NCALD: variants seen among roughly 807,000 people sequenced by gnomAD.
NCALD encodes the protein neurocalcin-delta.
A neutral mutation model predicts 18.6 loss-of-function variants in NCALD; 10 were observed. That is an observed-to-expected ratio of 0.54 (90% confidence interval 0.33 to 0.91). The LOEUF is 0.91. Ranked by LOEUF, NCALD falls within the 40% of genes least tolerant of loss-of-function variation. The probability of loss-of-function intolerance (pLI) is 0.03; values close to 1 mark genes in which losing one functional copy is unlikely to be tolerated. For missense variants in NCALD, 184 were observed against 247.6 expected, an observed-to-expected ratio of 0.74 and a Z score of 1.72; for synonymous variants, 88 against 87.4, an observed-to-expected ratio of 1.01 and a Z score of -0.04.
chr8:101,777,421 G>A (rs749198511), intron 1 of NCALD, among the ~76,000 whole-genome samples: 14 of 152,180 alleles, frequency 9.2e-5, no homozygotes, highest in Admixed American at 5.2e-4. Context: ...TTAGGAATGG[G>A]ACTCAGTGGA....
At chr8:101,833,610 GTTTTT>G (rs555031298) in intron 4 of NCALD, among the ~76,000 whole-genome samples, 9 of 88,466 alleles carry the variant, frequency 1.0e-4, no homozygotes, top group South Asian at 4.4e-4. Context: ...TTTGTTTCTT[GTTTTT>G]TTTTTTTTTT....
intron 3 of NCALD, among the ~76,000 whole-genome samples, chr8:101,903,568 T>C (rs1817511226): frequency 6.6e-6 from 1 of 152,078 alleles, no homozygotes; most frequent in Non-Finnish European, 1.5e-5. Flanking sequence ...TGTAGAGAAG[T>C]TGGAAATGTT....
chr8:102,053,317 A>G (rs1371195988), intron 1 of NCALD, among the ~76,000 whole-genome samples: 1 of 152,228 alleles, frequency 6.6e-6, no homozygotes, highest in African/African-American at 2.4e-5. Context: ...TTAAATATGT[A>G]TTTGGTATTT....
intron 2 of NCALD, among the ~76,000 whole-genome samples, chr8:101,705,728 C>G (rs1157174915): frequency 6.6e-6 from 1 of 151,920 alleles, no homozygotes; most frequent in Non-Finnish European, 1.5e-5. Flanking sequence ...GTCTGGCCAC[C>G]CCAAAGCCAC....
chr8:101,887,368 C>G (rs534746743), intron 3 of NCALD: 1 of 152,144 alleles, frequency 6.6e-6, no homozygotes, highest in Admixed American at 6.5e-5. Flanking sequence ...AGAACACTGA[C>G]GTGTATCAGC....
intron 1 of NCALD, among the ~76,000 whole-genome samples, chr8:102,061,851 G>A (rs2073873947): frequency 6.6e-6 from 1 of 152,174 alleles, no homozygotes; most frequent in Non-Finnish European, 1.5e-5. Context: ...ATGGAACCCA[G>A]TCAAAACTTT....
At chr8:101,934,322 G>C (rs374494179) in intron 2 of NCALD, among the ~76,000 whole-genome samples, 2 of 152,090 alleles carry the variant, frequency 1.3e-5, no homozygotes, top group Non-Finnish European at 2.9e-5. Flanking sequence ...AATGGGTTTT[G>C]AAAAATGAGT....
In NCALD at chr8:101,983,603, T is replaced by C. The variant is rs142233576; in HGVS notation, c.-157+36634A>G. On this transcript the variant is annotated intron_variant, in intron 2 of 6. Transcript: ENST00000311028. Reference sequence around the variant, plus strand: ...AACCGAAACTGTAGGGTTGTGTGTATGTGTTGTGATGGATACTTTCCGCTG... The same window carrying C: ...AACCGAAACTGTAGGGTTGTGTGTACGTGTTGTGATGGATACTTTCCGCTG... Among the ~76,000 whole-genome samples the C allele has an allele frequency of 6.1e-3, 934 of 152,298 alleles. 6 individuals are homozygous for C. Among genetic ancestry groups the C allele is most frequent in the African/African-American group, 0.021 (883 of 41,554 alleles).
intron 3 of NCALD, among the ~76,000 whole-genome samples, chr8:101,894,647 T>A: frequency 1.4e-5 from 2 of 146,780 alleles, no homozygotes; most frequent in African/African-American, 5.3e-5. Flanking sequence ...GAGAGAAGAA[T>A]CAAATAGACA....
chr8:101,759,972 C>A (rs1187891482), intron 1 of NCALD, among the ~76,000 whole-genome samples: 1 of 152,092 alleles, frequency 6.6e-6, no homozygotes, highest in African/African-American at 2.4e-5. Context: ...TTAGACACTG[C>A]GGTTCCCAAG....
At position 101,966,766 on chromosome 8, in the gene NCALD, TA is replaced by T. The variant is rs1820048846; in HGVS notation, c.-156-50909del. Among the ~76,000 whole-genome samples the T allele has an allele frequency of 7.2e-5, 11 of 152,266 alleles. No individual in the cohort carries two copies. In the South Asian group the frequency reaches 2.3e-3, roughly 32 times the overall value. The stretch of plus-strand genomic sequence containing the variant: ...TATTCAGGAGTCTACCTTAAAAGAA[TA>T]ATCAGAGAAGATCACAGAGATTCAG... On this transcript the variant is annotated intron_variant, in intron 2 of 6. Coordinates refer to the NCALD transcript ENST00000311028.
chr8:101,935,005 AT>A (rs1427090688), intron 2 of NCALD, among the ~76,000 whole-genome samples: 2 of 152,178 alleles, frequency 1.3e-5, no homozygotes, highest in African/African-American at 4.8e-5. Context: ...GAGACTATAT[AT>A]AAAAAACTTG....
intron 3 of NCALD, among the ~76,000 whole-genome samples, chr8:101,895,714 C>G (rs1387088364): frequency 6.7e-6 from 1 of 148,858 alleles, no homozygotes; most frequent in Non-Finnish European, 1.5e-5. Context: ...TTCTTATACA[C>G]CAACAACAGA....
Position 101,825,250 on chromosome 8 carries a change from C to T in NCALD, c.-20+61891G>A, listed in dbSNP as rs114467966. 4.9e-3 allele frequency among the ~76,000 whole-genome samples: 741 copies of T among 152,368 alleles called. 5 individuals carry two copies. Among genetic ancestry groups the T allele is most frequent in the African/African-American group, 0.017 (717 of 41,588 alleles). On this transcript the variant is annotated intron_variant, in intron 4 of 6. Coordinates refer to the NCALD transcript ENST00000311028. ...ATAGTATACAGTAGGGATACTCCTGCACCTCCAGTGTGCACAGCACAATAT... is the reference window on the plus strand; with the variant it reads ...ATAGTATACAGTAGGGATACTCCTGTACCTCCAGTGTGCACAGCACAATAT...
At chr8:102,059,289 C>T (rs1823760597) in intron 1 of NCALD, among the ~76,000 whole-genome samples, 1 of 152,194 alleles carries the variant, frequency 6.6e-6, no homozygotes, top group African/African-American at 2.4e-5. Context: ...GGCTATCCAT[C>T]CTCTTTGCTC....
At chr8:101,844,260 T>C (rs527613277) in intron 4 of NCALD, among the ~76,000 whole-genome samples, 2 of 152,312 alleles carry the variant, frequency 1.3e-5, no homozygotes, top group South Asian at 2.1e-4. Flanking sequence ...CGATGATATA[T>C]GCTGAGATGG....
chr8:102,041,208 G>A (rs2132176948), intron 1 of NCALD, among the ~76,000 whole-genome samples: 1 of 152,228 alleles, frequency 6.6e-6, no homozygotes, highest in East Asian at 1.9e-4. Flanking sequence ...GCCACATAGT[G>A]ACACATGCCC....
At chr8:101,805,695 A>G (rs1813074618) in intron 4 of NCALD, among the ~76,000 whole-genome samples, 2 of 152,180 alleles carry the variant, frequency 1.3e-5, no homozygotes, top group South Asian at 4.1e-4. Flanking sequence ...TAAAAGTTCA[A>G]GTTTAAGGGT....
intron 2 of NCALD, among the ~76,000 whole-genome samples, chr8:101,959,451 A>T (rs1819756909): frequency 1.3e-5 from 2 of 152,180 alleles, no homozygotes; most frequent in Non-Finnish European, 2.9e-5. Flanking sequence ...ATATGTAGGT[A>T]TTTCATAAGA....
Sources: gnomAD v4.1 joint callset for allele counts (sites outside exome capture counted in the v4.1 genomes callset) on GRCh38, gnomAD v4.1.1 for gene constraint, MANE v1.5 for transcripts, NCBI Gene and HGNC (gene_info 2026-07-23, HGNC 2026-07-21) for gene names.